Variants in SORCS1 observed in about 807,000 individuals in gnomAD.
SORCS1 encodes sortilin related VPS10 domain containing receptor 1, also known as VPS10 domain-containing receptor SorCS1.
In SORCS1, 60 loss-of-function variants were observed where a neutral mutation model predicts 146.1. The ratio of observed to expected loss-of-function variants is 0.41; its 90% CI spans 0.33 to 0.51. The LOEUF is 0.51. SORCS1 is among the 20% of genes least tolerant of loss of function. The pLI is 0.21. For missense variants in SORCS1, 1,352 were observed against 1,487.6 expected, an observed-to-expected ratio of 0.91 and a Z score of 1.50; for synonymous variants, 637 against 584.0, an observed-to-expected ratio of 1.09 and a Z score of -1.31.
chr10:106,740,741 A>G (rs1363570553), intron 5 of SORCS1, among the ~76,000 whole-genome samples: 2 of 152,226 alleles, frequency 1.3e-5, no homozygotes, highest in African/African-American at 2.4e-5. Context: ...CTGCTCATCA[A>G]TTGTCAACAA....
At chr10:106,774,373 T>C (rs558267272) in intron 4 of SORCS1, among the ~76,000 whole-genome samples, 20 of 152,216 alleles carry the variant, frequency 1.3e-4, no homozygotes, top group South Asian at 4.1e-4. Context: ...AAATTAGTTT[T>C]CCTAAAAATC....
chr10:107,003,541 G>T (rs1270689740), intron 1 of SORCS1, among the ~76,000 whole-genome samples: 2 of 151,586 alleles, frequency 1.3e-5, no homozygotes, highest in East Asian at 1.9e-4. Context: ...TTAAATAAGG[G>T]CCTAAGGCAG....
At chr10:107,137,828 C>A (rs543927880) in intron 1 of SORCS1, among the ~76,000 whole-genome samples, 1 of 150,424 alleles carries the variant, frequency 6.6e-6, no homozygotes, top group East Asian at 2.0e-4. Context: ...TGCCATTGCA[C>A]TCCAGCCTGG....
intron 9 of SORCS1, among the ~76,000 whole-genome samples, chr10:106,691,269 T>A (rs1853273195): frequency 6.6e-6 from 1 of 152,184 alleles, no homozygotes; most frequent in Non-Finnish European, 1.5e-5. Flanking sequence ...GAATTTCTGA[T>A]GACAAACCTC....
intron 1 of SORCS1, among the ~76,000 whole-genome samples, chr10:107,017,329 C>T (rs1445431751): frequency 6.6e-6 from 1 of 152,220 alleles, no homozygotes; most frequent in Admixed American, 6.5e-5. Flanking sequence ...AATGAGCAAA[C>T]TACCGCTACA....
rs569774578 is a variant in SORCS1 at position 107,104,289 on chromosome 10, T to G, written c.558+59680A>C. Reference sequence around the variant, plus strand: ...AAATTCTCACCAAGTTTAATCCTCTTCCGCTGAATTTTACCTCCTCTGCTT... The same window carrying G: ...AAATTCTCACCAAGTTTAATCCTCTGCCGCTGAATTTTACCTCCTCTGCTT... On this transcript the variant is annotated intron_variant, in intron 1 of 25. Coordinates refer to ENST00000263054, the MANE Select transcript of SORCS1 (RefSeq NM_052918.5). 2.6e-5 allele frequency among the ~76,000 whole-genome samples: 4 copies of G among 152,330 alleles called. No homozygotes were observed. The South Asian group carries it at 8.3e-4, about 32-fold the overall frequency.
chr10:107,174,326 T>C, the SORCS1 span, among the ~76,000 whole-genome samples: 3 of 151,998 alleles, frequency 2.0e-5, no homozygotes, highest in Admixed American at 2.0e-4. Flanking sequence ...CTGCCTCAGC[T>C]TCCCGAGTAG....
intron 1 of SORCS1, among the ~76,000 whole-genome samples, chr10:107,009,864 T>C (rs1957621250): frequency 2.0e-5 from 3 of 152,062 alleles, no homozygotes; most frequent in Admixed American, 2.0e-4. Context: ...AGGGAGACAA[T>C]ACGTAATATA....
intron 5 of SORCS1, among the ~76,000 whole-genome samples, chr10:106,754,188 A>G (rs113683944): frequency 4.7e-4 from 71 of 152,346 alleles, no homozygotes; most frequent in African/African-American, 1.7e-3. Flanking sequence ...ATCAGAGCCC[A>G]TAAGATTTAA....
At chr10:106,898,246 C>A (rs1951562093) in intron 2 of SORCS1, among the ~76,000 whole-genome samples, 1 of 152,208 alleles carries the variant, frequency 6.6e-6, no homozygotes, top group African/African-American at 2.4e-5. Flanking sequence ...TTTCTTTAAA[C>A]CCATGCTGAT....
intron 2 of SORCS1, among the ~76,000 whole-genome samples, chr10:106,857,544 T>C (rs989971825): frequency 2.0e-5 from 3 of 152,196 alleles, no homozygotes; most frequent in Admixed American, 2.0e-4. Flanking sequence ...CCTAGTGCAT[T>C]TGGTGGCATA....
At chr10:106,806,505 C>CTTTTTT (rs1191296212) in intron 3 of SORCS1, among the ~76,000 whole-genome samples, 1 of 70,468 alleles carries the variant, frequency 1.4e-5, no homozygotes, top group Non-Finnish European at 2.7e-5. Flanking sequence ...GAGAGGAAGC[C>CTTTTTT]TTTTTTTTTT....
chr10:106,719,575 G>A lies in SORCS1; in HGVS notation c.1025-10234C>T, dbSNP rs183333309. Among the ~76,000 whole-genome samples, 847 of 152,158 alleles carry A rather than the reference G, an allele frequency of 5.6e-3. 36 individuals carry two copies. Among genetic ancestry groups the A allele is most frequent in the Admixed American group, 0.051 (773 of 15,288 alleles). On this transcript the variant is annotated intron_variant, in intron 6 of 25. Coordinates refer to ENST00000263054, the MANE Select transcript of SORCS1 (RefSeq NM_052918.5). ...CTATAGACAAGTAACACAGTGCCCA[G>A]CTACTTTTTGTATTTTTAGTAGAGA... is the stretch of plus-strand genomic sequence containing the variant.
intron 18 of SORCS1, among the ~76,000 whole-genome samples, chr10:106,632,702 G>C (rs916693443): frequency 2.0e-5 from 3 of 152,300 alleles, no homozygotes; most frequent in Non-Finnish European, 4.4e-5. Flanking sequence ...CAGACCACTA[G>C]TGAAACACAT....
At chr10:106,754,705 G>T (rs543843633) in intron 5 of SORCS1, among the ~76,000 whole-genome samples, 5 of 152,148 alleles carry the variant, frequency 3.3e-5, no homozygotes, top group Non-Finnish European at 5.9e-5. Context: ...AATGCACTGA[G>T]TATAGCATAA....
chr10:106,816,875 G>T (rs1947767060), intron 3 of SORCS1, among the ~76,000 whole-genome samples: 2 of 152,144 alleles, frequency 1.3e-5, no homozygotes, highest in South Asian at 4.1e-4. Flanking sequence ...TTTAATTGGT[G>T]CCTAGGGGTA....
chr10:107,142,893 G>A (rs1045660558), intron 1 of SORCS1, among the ~76,000 whole-genome samples: 4 of 152,210 alleles, frequency 2.6e-5, no homozygotes, highest in Admixed American at 2.6e-4. Flanking sequence ...CTGGGGCCAA[G>A]ACCAACGTGT....
At chr10:107,037,581 T>G (rs1958957986) in intron 1 of SORCS1, among the ~76,000 whole-genome samples, 1 of 152,266 alleles carries the variant, frequency 6.6e-6, no homozygotes, top group Non-Finnish European at 1.5e-5. Flanking sequence ...TAAAATCAGT[T>G]CCAGGCAAAA....
At position 106,579,521 on chromosome 10, in the gene SORCS1, G is replaced by C. The variant is rs748056432; in HGVS notation, c.3266-47C>G. On this transcript the variant is annotated intron_variant, in intron 24 of 25. Transcript: ENST00000263054. ...AGAAAAATGAGCAGAGAACTGGGCA[G>C]GTGAGACTCTATGAGAGGCTCAAAT... The C allele has an allele frequency of 1.9e-6, 3 of 1,590,912 alleles. No individual in the cohort carries two copies. In the East Asian group the frequency reaches 6.7e-5, roughly 36 times the overall value.
Sources: allele counts gnomAD v4.1 joint callset (sites outside exome capture counted in the v4.1 genomes callset), GRCh38; gene constraint gnomAD v4.1.1; transcripts MANE v1.5; gene names NCBI Gene and HGNC (gene_info 2026-07-23, HGNC 2026-07-21).